The following DEPDC4 variants were observed in gnomAD, a reference collection of about 807,000 sequenced individuals.
The protein encoded by DEPDC4 is DEP domain containing 4.
DEPDC4 carries 52 observed loss-of-function variants against 52.0 expected under a neutral mutation model. The ratio of observed to expected loss-of-function variants is 1.00; its 90% CI spans 0.80 to 1.26. The LOEUF (loss-of-function observed/expected upper bound fraction) is 1.26, where lower values mean the gene tolerates loss of function less well. Ranked by LOEUF, DEPDC4 falls within the 50% of genes most tolerant of loss-of-function variation. DEPDC4 has a pLI of 0.00. For synonymous variants in DEPDC4, 201 were observed against 196.8 expected, an observed-to-expected ratio of 1.02 and a Z score of -0.18; for missense variants, 530 against 546.9, an observed-to-expected ratio of 0.97 and a Z score of 0.31.
At chr12:100,256,285 C>A in intron 3 of DEPDC4, 59 bp from the exon 4 acceptor site, 1 of 1,258,500 alleles carries the variant, frequency 7.9e-7, no homozygotes, top group Non-Finnish European at 1.1e-6. Flanking sequence ...CACATTCAAC[C>A]AATATTATAA....
At chr12:100,267,177 AG>A, upstream of DEPDC4, 3 of 1,320,706 alleles carry the variant, frequency 2.3e-6, no homozygotes, top group Non-Finnish European at 2.1e-6. Flanking sequence ...CAGGTCTTTT[AG>A]TCTTTTTCCC....
chr12:100,246,886 C>G (rs575647379), intron 8 of DEPDC4, among the ~76,000 whole-genome samples: 2 of 151,650 alleles, frequency 1.3e-5, no homozygotes, highest in Non-Finnish European at 2.9e-5. Context: ...TGCAGTGAGC[C>G]GAGATGCGCC....
At chr12:100,244,095 GTA>G (rs774444544) in intron 8 of DEPDC4, among the ~76,000 whole-genome samples, 1,715 of 51,504 alleles carry the variant, frequency 0.033, 32 homozygotes, top group Non-Finnish European at 0.053. Context: ...CTCTCTCTGT[GTA>G]TATATATATA....
chr12:100,247,600 A>G (rs1016608992), intron 8 of DEPDC4, among the ~76,000 whole-genome samples: 3 of 152,236 alleles, frequency 2.0e-5, no homozygotes, highest in African/African-American at 4.8e-5. Flanking sequence ...GAATGTGAAA[A>G]GATAATGCAG....
At position 100,249,151 on chromosome 12, in the gene DEPDC4, T is replaced by A. The variant is rs114313506; in HGVS notation, c.1375-173A>T. Among the ~76,000 whole-genome samples the A allele has an allele frequency of 5.4e-3, 821 of 152,314 alleles. 9 individuals carry two copies. The highest frequency in any genetic ancestry group is 0.019 in the African/African-American group (784 of 41,578). The stretch of plus-strand genomic sequence containing the variant: ...CTCTGAATCATAAATTCTTGAAATT[T>A]TTTTAGCACTCTTAAAATCTTATTT... On this transcript the variant is annotated intron_variant, in intron 7 of 9. Transcript: ENST00000550587.
At chr12:100,278,019 C>T in the DEPDC4 span, among the ~76,000 whole-genome samples, 1 of 152,044 alleles carries the variant, frequency 6.6e-6, no homozygotes, top group African/African-American at 2.4e-5. Flanking sequence ...TATATTTCCC[C>T]TCCTGTTCTT....
chr12:100,264,026 T>C (rs1481572971), intron 1 of DEPDC4, 133 bp from the exon 2 acceptor site: 2 of 781,178 alleles, frequency 2.6e-6, no homozygotes, highest in African/African-American at 3.5e-5. Flanking sequence ...TCATCTCACA[T>C]CTTACATAAA....
upstream of DEPDC4, among the ~76,000 whole-genome samples, chr12:100,271,281 A>AAAAAAG (rs869276181): frequency 0.025 from 3,165 of 128,334 alleles, 106 homozygotes; most frequent in African/African-American, 0.044. Context: ...AAAAAAAAAA[A>AAAAAAG]AGAGAGAGAG....
chr12:100,278,775 G>A, the DEPDC4 span, among the ~76,000 whole-genome samples: 77 of 151,780 alleles, frequency 5.1e-4, no homozygotes, highest in African/African-American at 1.3e-3. Context: ...GACTACAGGC[G>A]CGTACCACCA....
chr12:100,275,237 T>C, the DEPDC4 span, among the ~76,000 whole-genome samples: 1 of 152,000 alleles, frequency 6.6e-6, no homozygotes. Context: ...GGTCTCACCC[T>C]GTCACCCAGG....
chr12:100,271,975 T>C (rs1248360541), upstream of DEPDC4, among the ~76,000 whole-genome samples: 2 of 152,198 alleles, frequency 1.3e-5, no homozygotes, highest in Non-Finnish European at 2.9e-5. Flanking sequence ...AGCTACCTGC[T>C]GTCAGATGCT....
chr12:100,267,047 C>T lies in DEPDC4; in HGVS notation c.30G>A (p.Glu10=). 6.2e-7 allele frequency: 1 copy of T among 1,613,900 alleles called. No individual in the cohort carries two copies. Among genetic ancestry groups the T allele is most frequent in the East Asian group, 2.2e-5 (1 of 44,870 alleles). The stretch of plus-strand genomic sequence containing the variant: ...TCGGAGTCAAAAGAACCGCCATAAG[C>T]TCGCGCGCTGGCTCCTCCCCTGGCA... The part of the protein sequence containing the change: MVPGEEPAR[E]LMAVLLTPRF... Residue 10 remains glutamate (E), a synonymous_variant, in exon 1 of 10, where the codon GAG becomes GAA. Transcript: ENST00000550587.
intron 1 of DEPDC4, among the ~76,000 whole-genome samples, chr12:100,265,415 C>T (rs576176221): frequency 6.6e-6 from 1 of 152,042 alleles, no homozygotes; most frequent in South Asian, 2.1e-4. Flanking sequence ...TAGTGAAACC[C>T]CATCTCTACC....
In DEPDC4 at chr12:100,241,849, G is replaced by GAAAAAAAAAAAAAAAACAAAAAAA; in HGVS notation, c.*47-5_*47-4insTTTTTTTGTTTTTTTTTTTTTTTT. ...AAGGGTTGGCAAAACGTAAAGCCTG[G>GAAAAAAAAAAAAAAAACAAAAAAA]AAAAAAAAAAAAAAAACAAAAGAAA... is the stretch of plus-strand genomic sequence containing the variant. On this transcript the variant is annotated splice_polypyrimidine_tract_variant and splice_region_variant and intron_variant, in intron 9 of 9. Transcript: ENST00000550587. 9.8e-7 allele frequency: 1 copy of GAAAAAAAAAAAAAAAACAAAAAAA among 1,018,648 alleles called. No homozygotes were observed. The highest frequency in any genetic ancestry group is 1.2e-6 in the Non-Finnish European group (1 of 834,542). 63.1% of individuals were successfully genotyped at this position (1,018,648 alleles called of 1,614,324 possible).
chr12:100,256,230 GA>G lies in DEPDC4; in HGVS notation c.701-5del. 1 of 1,597,964 alleles carries G rather than the reference GA, an allele frequency of 6.3e-7. No individual in the cohort carries two copies. The highest frequency in any genetic ancestry group is 1.1e-5 in the South Asian group (1 of 89,734). On this transcript the variant is annotated splice_region_variant and splice_polypyrimidine_tract_variant and intron_variant, in intron 3 of 9. Coordinates refer to ENST00000550587, the MANE Select transcript of DEPDC4 (RefSeq NM_001364818.2). ...AATGTTTGTTCTTTCCAAACATCTTGAAAAGGAAAGTAATGCAATGATCAAG... is the reference window on the plus strand; with the variant it reads ...AATGTTTGTTCTTTCCAAACATCTTGAAAGGAAAGTAATGCAATGATCAAG...
downstream of DEPDC4, among the ~76,000 whole-genome samples, chr12:100,236,820 A>G (rs2096142071): frequency 6.6e-6 from 1 of 152,278 alleles, no homozygotes; most frequent in African/African-American, 2.4e-5. Context: ...TTCAGTTCTT[A>G]GATTTAAGTC....
At chr12:100,245,020 C>T (rs1185609011) in intron 8 of DEPDC4, among the ~76,000 whole-genome samples, 1 of 151,630 alleles carries the variant, frequency 6.6e-6, no homozygotes, top group Non-Finnish European at 1.5e-5. Context: ...TACAGGTGTG[C>T]ACCACCATCC....
Position 100,240,759 on chromosome 12 carries a change from T to G in DEPDC4, c.*1133A>C, listed in dbSNP as rs2096155272. ...AATTTTTAATTTGTGGCCTTTTAAA[T>G]CTACTTCATGTGGCCGGGTGTGGTG... On this transcript the variant is annotated 3_prime_UTR_variant, in exon 10 of 10. Coordinates refer to ENST00000550587, the MANE Select transcript of DEPDC4 (RefSeq NM_001364818.2). Among the ~76,000 whole-genome samples the G allele has an allele frequency of 6.6e-6, 1 of 152,126 alleles. No individual in the cohort carries two copies. The highest frequency in any genetic ancestry group is 1.5e-5 in the Non-Finnish European group (1 of 67,978).
At chr12:100,268,818 C>T (rs2096283449), upstream of DEPDC4, among the ~76,000 whole-genome samples, 1 of 152,214 alleles carries the variant, frequency 6.6e-6, no homozygotes, top group Admixed American at 6.5e-5. Context: ...CCGTGGGTAG[C>T]ATCACTATCC....
Sources: allele counts gnomAD v4.1 joint callset (sites outside exome capture counted in the v4.1 genomes callset), GRCh38; gene constraint gnomAD v4.1.1; transcripts MANE v1.5; gene names NCBI Gene and HGNC (gene_info 2026-07-23, HGNC 2026-07-21).